TNS4: variants seen among roughly 807,000 people sequenced by gnomAD.
TNS4 encodes tensin-4.
A neutral mutation model predicts 70.4 loss-of-function variants in TNS4; 46 were observed. The observed-to-expected ratio is 0.65, with a 90% CI of 0.52 to 0.84. TNS4 has a LOEUF of 0.84. Among genes scored for constraint, TNS4 ranks in the 40% least tolerant of loss-of-function variants. The pLI is 0.00. For missense variants in TNS4, 863 were observed against 907.0 expected (o/e 0.95, Z 0.62); for synonymous variants, 390 against 366.6 (o/e 1.06, Z -0.73).
Position 40,475,969 on chromosome 17 carries a change from CG to C in TNS4, c.*1618del, listed in dbSNP as rs1263815788. 1 of 152,282 alleles carries C rather than the reference CG, an allele frequency of 6.6e-6. No homozygotes were observed. Among genetic ancestry groups the C allele is most frequent in the Admixed American group, 6.5e-5 (1 of 15,282 alleles). 9.4% of individuals were successfully genotyped at this position (152,282 alleles called of 1,614,324 possible). A position where few individuals can be genotyped will look rare whatever the true frequency, so the allele number is the denominator to read the frequency against. ...TCTCACATTCTGCAGACTTTGGCGG[CG>C]GGGCAGTGCTCGACCACTGGCTGGG... On this transcript the variant is annotated 3_prime_UTR_variant, in exon 13 of 13. Transcript: ENST00000254051.
chr17:40,499,712 T>C (rs2036189197), intron 1 of TNS4, among the ~76,000 whole-genome samples: 1 of 152,218 alleles, frequency 6.6e-6, no homozygotes, highest in Non-Finnish European at 1.5e-5. Context: ...GCTCCCGCCC[T>C]CCCGGGACAG....
At chr17:40,478,830 C>G (rs1273456235) in intron 10 of TNS4, among the ~76,000 whole-genome samples, 182 bp from the exon 11 acceptor site, 2 of 152,212 alleles carry the variant, frequency 1.3e-5, no homozygotes, top group Admixed American at 1.3e-4. Context: ...TCCTGCCTCT[C>G]TCCTCTCATG....
Position 40,496,492 on chromosome 17 carries a change from C to T in TNS4, c.-67G>A, listed in dbSNP as rs910450466. ...CCAGCCTCACTGACATCCCAGAGAT[C>T]TCACTTGCTAACCAGGAGCTCCCAG... On this transcript the variant is annotated 5_prime_UTR_variant, in exon 2 of 13. Coordinates refer to ENST00000254051, the MANE Select transcript of TNS4 (RefSeq NM_032865.6). 52 of 1,497,032 alleles carry T rather than the reference C, an allele frequency of 3.5e-5. No individual in the cohort carries two copies. The African/African-American group carries it at 6.5e-4, about 19-fold the overall frequency. The allele number at this position is 1,497,032 out of a possible 1,614,324, so 92.7% of individuals were successfully genotyped here.
chr17:40,492,717 A>G (rs1397339881), intron 2 of TNS4, among the ~76,000 whole-genome samples: 1 of 150,010 alleles, frequency 6.7e-6, no homozygotes, highest in Non-Finnish European at 1.5e-5. Flanking sequence ...ACATGGTGAG[A>G]CTCCATCTCT....
At chr17:40,478,721 G>C in intron 10 of TNS4, 73 bp from the exon 11 acceptor site, 1 of 1,542,940 alleles carries the variant, frequency 6.5e-7, no homozygotes, top group South Asian at 1.1e-5. Flanking sequence ...AGCATCTCTC[G>C]TTCCCCCCAA....
Position 40,477,601 on chromosome 17 carries a change from G to A in TNS4, c.2135C>T (p.Ala712Val). 1 of 1,614,088 alleles carries A rather than the reference G, an allele frequency of 6.2e-7. No homozygotes were observed. The highest frequency in any genetic ancestry group is 1.7e-5 in the Admixed American group (1 of 60,012). Residue 712 changes from alanine to valine, a missense_variant, in exon 13 of 13, where the codon GCA (alanine) becomes GTA (valine). Transcript: ENST00000254051. Reference protein sequence around the residue: ...IGLVTALLQDAERM With the variant: ...IGLVTALLQDVERM ...GCAGTCTCTCCCCTACATCCTTTCT[G>A]CGTCCTGCAGCAGAGCAGTCACCAG...
intron 2 of TNS4, among the ~76,000 whole-genome samples, chr17:40,490,179 G>T (rs1201672900): frequency 6.6e-6 from 1 of 151,324 alleles, no homozygotes; most frequent in Non-Finnish European, 1.5e-5. Context: ...GGTACACAGG[G>T]GTCACCCAAC....
In TNS4 at chr17:40,480,758, A is replaced by G; in HGVS notation, c.1683T>C (p.Gly561=). 1 of 1,600,124 alleles carries G rather than the reference A, an allele frequency of 6.2e-7. No individual in the cohort carries two copies. The highest frequency in any genetic ancestry group is 8.5e-7 in the Non-Finnish European group (1 of 1,174,314). The change falls in exon 9 of 13, where the codon GGT becomes GGC. Residue 561 remains glycine, a synonymous_variant. Transcript: ENST00000254051. ...CTGTAGAGTCCGAGGCCCCATCTGC[A>G]CCTCCCAGTTCTGAGCCAAGGCAAA... ...KLTIPQRELG[G]ADGASDSTDS...
intron 9 of TNS4, 80 bp downstream of exon 9, chr17:40,480,620 A>ATGCG: frequency 7.5e-7 from 1 of 1,336,430 alleles, no homozygotes; most frequent in Non-Finnish European, 9.9e-7. Context: ...GTGTGCGTGC[A>ATGCG]TGCGTGCGTG....
chr17:40,492,595 GT>G (rs1193528841), intron 2 of TNS4, among the ~76,000 whole-genome samples: 16,537 of 126,654 alleles, frequency 0.13, 826 homozygotes, highest in African/African-American at 0.21. Context: ...ACATGGACTA[GT>G]TTTTTTTTTT....
At position 40,479,709 on chromosome 17, in the gene TNS4, T is replaced by C. The variant is rs1302422552; in HGVS notation, c.1875A>G (p.Thr625=). The change falls in exon 10 of 13, where the codon ACA becomes ACG. Residue 625 remains threonine, a synonymous_variant. Transcript: ENST00000254051. ...CATCAGTCAGAGTGATGCCCTGCTCTGTGACTTTGAAGTGGACCACGGTGG... is the reference window on the plus strand; with the variant it reads ...CATCAGTCAGAGTGATGCCCTGCTCCGTGACTTTGAAGTGGACCACGGTGG... ...PTPTVVHFKV[T]EQGITLTDVQ... The C allele has an allele frequency of 6.2e-7, 1 of 1,614,084 alleles. No homozygotes were observed. The highest frequency in any genetic ancestry group is 8.5e-7 in the Non-Finnish European group (1 of 1,180,004).
intron 2 of TNS4, among the ~76,000 whole-genome samples, chr17:40,491,862 G>C (rs1442543780): frequency 6.6e-6 from 1 of 152,120 alleles, no homozygotes; most frequent in African/African-American, 2.4e-5. Context: ...GGGGTGGAGA[G>C]ATACTTATTA....
rs879218477 is a variant in TNS4, at chr17:40,476,441, T to C, written c.*1147A>G. ...GTGTGTGTGTGTGTTGGAGCGTGGG[T>C]TGGGGGAGGGCTCAGCAAGACAGGA... On this transcript the variant is annotated 3_prime_UTR_variant, in exon 13 of 13. Transcript: ENST00000254051. 2.9e-5 allele frequency: 3 copies of C among 104,216 alleles called. No individual in the cohort carries two copies. The highest frequency in any genetic ancestry group is 3.3e-4 in the South Asian group (1 of 2,988). 6.5% of individuals were successfully genotyped at this position (104,216 alleles called of 1,614,324 possible).
In TNS4 at chr17:40,479,769, G is replaced by T; in HGVS notation, c.1815C>A (p.Ile605=). 6.2e-7 allele frequency: 1 copy of T among 1,614,088 alleles called. No individual in the cohort carries two copies. Among genetic ancestry groups the T allele is most frequent in the Non-Finnish European group, 8.5e-7 (1 of 1,180,028 alleles). The part of the protein sequence containing the change: ...LTGALAVQKA[I]STTFERDILP... ...GGATGTCCCTCTCAAAGGTGGTGGAGATGGCTTTCTGCACGGCCAGGGCTC... is the reference window on the plus strand; with the variant it reads ...GGATGTCCCTCTCAAAGGTGGTGGATATGGCTTTCTGCACGGCCAGGGCTC... Residue 605 remains isoleucine (I), a synonymous_variant, in exon 10 of 13, where the codon ATC becomes ATA. Transcript: ENST00000254051.
intron 2 of TNS4, 134 bp from the exon 3 acceptor site, chr17:40,489,103 A>G: frequency 1.3e-6 from 1 of 796,244 alleles, no homozygotes; most frequent in Non-Finnish European, 1.8e-6. Context: ...CCCAGAGAGG[A>G]GAGCCCAACT....
At chr17:40,500,093 A>G (rs1159901098) in intron 1 of TNS4, among the ~76,000 whole-genome samples, 1 of 152,174 alleles carries the variant, frequency 6.6e-6, no homozygotes, top group African/African-American at 2.4e-5. Context: ...GAGGTTGAGG[A>G]ATTTGCCCAA....
At chr17:40,482,292 C>T in intron 7 of TNS4, 32 bp downstream of exon 7, 1 of 1,613,680 alleles carries the variant, frequency 6.2e-7, no homozygotes, top group Non-Finnish European at 8.5e-7. Context: ...GGCCCCCCAT[C>T]CCGGGGGAGC....
chr17:40,492,595 G>GTT (rs1193528841), intron 2 of TNS4, among the ~76,000 whole-genome samples: 33 of 126,742 alleles, frequency 2.6e-4, no homozygotes, highest in East Asian at 2.4e-4. Flanking sequence ...ACATGGACTA[G>GTT]TTTTTTTTTT....
intron 4 of TNS4, 77 bp downstream of exon 4, chr17:40,486,959 G>A: frequency 6.5e-7 from 1 of 1,545,022 alleles, no homozygotes; most frequent in Admixed American, 1.7e-5. Flanking sequence ...TGTGTTGACT[G>A]GCTGTTGCAG....
Sources: gnomAD v4.1 joint callset for allele counts (sites outside exome capture counted in the v4.1 genomes callset) on GRCh38, gnomAD v4.1.1 for gene constraint, MANE v1.5 for transcripts, NCBI Gene and HGNC (gene_info 2026-07-23, HGNC 2026-07-21) for gene names.